Variants in ACVR2A observed in about 807,000 individuals in gnomAD.
ACVR2A encodes activin receptor type-2A.
Under a neutral mutation model 61.4 loss-of-function variants are expected in ACVR2A, and 7 were observed. The ratio of observed to expected loss-of-function variants is 0.11; its 90% confidence interval spans 0.06 to 0.21. ACVR2A has a LOEUF of 0.21. Ranked by LOEUF, ACVR2A falls within the 10% of genes least tolerant of loss-of-function variation. ACVR2A has a pLI of 1.00. For missense variants in ACVR2A, 322 were observed against 621.7 expected (o/e 0.52, Z 5.13); for synonymous variants, 193 against 208.3 (o/e 0.93, Z 0.63).
rs547133367 is a variant in ACVR2A, at chr2:147,894,596, C to T, written c.56-1705C>T. ...ATTTCATTATTCAATATTTAAAAGT[C>T]ACATTTATTGATATCACCACTGATC... is the stretch of plus-strand genomic sequence containing the variant. On this transcript the variant is annotated intron_variant, in intron 1 of 10. Transcript: ENST00000241416. 2.0e-5 allele frequency among the ~76,000 whole-genome samples: 3 copies of T among 152,088 alleles called. No individual in the cohort carries two copies. In the East Asian group the frequency reaches 5.8e-4, roughly 29 times the overall value.
rs543507183 is a variant in ACVR2A, at chr2:147,920,088, G to A, written c.963-142G>A. ...AAGGCTGCATGGGGCTCTGAGCTTT[G>A]TTTGTCTCACTTTCTCTGCATTTCA... On this transcript the variant is annotated intron_variant, in intron 7 of 10. Coordinates refer to ENST00000241416, the MANE Select transcript of ACVR2A (RefSeq NM_001616.5). The A allele has an allele frequency of 2.5e-5, 15 of 607,990 alleles. No individual in the cohort carries two copies. In the East Asian group the frequency reaches 3.7e-4, roughly 15 times the overall value. The allele number at this position is 607,990 out of a possible 1,614,324, so 37.7% of individuals were successfully genotyped here.
intron 4 of ACVR2A, chr2:147,900,471 A>C (rs898601935): frequency 3.3e-5 from 5 of 152,432 alleles, no homozygotes; most frequent in African/African-American, 9.6e-5. Context: ...TGGTTGCCTC[A>C]TATCAAGTGT....
chr2:147,927,484 A>G lies in ACVR2A; in HGVS notation c.*210A>G. 4.4e-6 allele frequency: 2 copies of G among 451,710 alleles called. No individual in the cohort carries two copies. The highest frequency in any genetic ancestry group is 7.7e-6 in the Non-Finnish European group (2 of 261,412). 28.0% of individuals were successfully genotyped at this position (451,710 alleles called of 1,614,324 possible). On this transcript the variant is annotated 3_prime_UTR_variant, in exon 11 of 11. Coordinates refer to ENST00000241416, the MANE Select transcript of ACVR2A (RefSeq NM_001616.5). Reference sequence around the variant, plus strand: ...TGTGAAGGACATGAGACTAAGAGAAACCTTGCAAACTCTATAAAGAAACTT... The same window carrying G: ...TGTGAAGGACATGAGACTAAGAGAAGCCTTGCAAACTCTATAAAGAAACTT...
At chr2:147,898,161 C>T (rs1180487527) in intron 2 of ACVR2A, 1 of 152,082 alleles carries the variant, frequency 6.6e-6, no homozygotes, top group African/African-American at 2.4e-5. Flanking sequence ...ACTATACCAT[C>T]TTTGTGTCTG....
intron 8 of ACVR2A, among the ~76,000 whole-genome samples, chr2:147,921,079 G>T (rs1687368781): frequency 6.6e-6 from 1 of 151,974 alleles, no homozygotes; most frequent in South Asian, 2.1e-4. Context: ...TGTCACCCAG[G>T]CTGGAGTGCA....
Position 147,929,276 on chromosome 2 carries a change from A to AATC in ACVR2A, c.*2004_*2006dup, listed in dbSNP as rs1687593504. On this transcript the variant is annotated 3_prime_UTR_variant, in exon 11 of 11. Coordinates refer to ENST00000241416, the MANE Select transcript of ACVR2A (RefSeq NM_001616.5). ...CTGGTTTTGCTTCCATTTAAAAACT[A>AATC]ATCAAGAAGGGAAAATATTGAGAAT... 1 of 152,014 alleles carries AATC rather than the reference A, an allele frequency of 6.6e-6. No homozygotes were observed. Among genetic ancestry groups the AATC allele is most frequent in the South Asian group, 2.1e-4 (1 of 4,832 alleles). The allele number at this position is 152,014 out of a possible 1,614,324, so 9.4% of individuals were successfully genotyped here. A position where few individuals can be genotyped will look rare whatever the true frequency, so the allele number is the denominator to read the frequency against.
chr2:147,879,197 A>G (rs757480937), intron 1 of ACVR2A, among the ~76,000 whole-genome samples: 1 of 152,048 alleles, frequency 6.6e-6, no homozygotes, highest in Non-Finnish European at 1.5e-5. Context: ...TTGTGTTGCT[A>G]TTACAGAATA....
At chr2:147,873,907 A>G (rs922089595) in intron 1 of ACVR2A, among the ~76,000 whole-genome samples, 4 of 152,102 alleles carry the variant, frequency 2.6e-5, no homozygotes, top group African/African-American at 9.6e-5. Flanking sequence ...CATGAAACAC[A>G]AGAGAAGCCA....
rs2105123684 is a variant in ACVR2A at position 147,845,290 on chromosome 2, G to C, written c.55+83G>C. On this transcript the variant is annotated intron_variant, in intron 1 of 10. Transcript: ENST00000241416. ...TGGGGGCCGCGGCTGGTGTTGAGTCGGAGAGTCCAGTGGAGCCTGGGGAGG... is the reference window on the plus strand; with the variant it reads ...TGGGGGCCGCGGCTGGTGTTGAGTCCGAGAGTCCAGTGGAGCCTGGGGAGG... 3 of 1,376,314 alleles carry C rather than the reference G, an allele frequency of 2.2e-6. No individual in the cohort carries two copies. The South Asian group carries it at 3.6e-5, about 16-fold the overall frequency. The allele number at this position is 1,376,314 out of a possible 1,614,324, so 85.3% of individuals were successfully genotyped here.
chr2:147,908,943 A>C (rs1184172365), intron 4 of ACVR2A, among the ~76,000 whole-genome samples: 2 of 152,044 alleles, frequency 1.3e-5, no homozygotes, highest in Non-Finnish European at 2.9e-5. Flanking sequence ...TATAAACAAA[A>C]ATCTCTATTT....
intron 4 of ACVR2A, 57 bp from the exon 5 acceptor site, chr2:147,915,134 A>G: frequency 4.5e-6 from 7 of 1,540,044 alleles, no homozygotes. Context: ...TCTCATTTTC[A>G]GAGTTGGTGT....
chr2:147,891,851 G>T (rs1474731203), intron 1 of ACVR2A, among the ~76,000 whole-genome samples: 1 of 152,152 alleles, frequency 6.6e-6, no homozygotes, highest in Admixed American at 6.5e-5. Context: ...GTATTATTTG[G>T]TAAAGGAGGA....
Position 147,857,926 on chromosome 2 carries a change from C to A in ACVR2A, c.55+12719C>A, listed in dbSNP as rs1052569708. Among the ~76,000 whole-genome samples, 9 of 152,094 alleles carry A rather than the reference C, an allele frequency of 5.9e-5. 1 individual carries two copies. The highest frequency in any genetic ancestry group is 1.3e-4 in the Admixed American group (2 of 15,252). ...TTTGTTTTATGGATTATTTTATCACCCAGGTATTAAGCCTAGTACTCATTA... is the reference window on the plus strand; with the variant it reads ...TTTGTTTTATGGATTATTTTATCACACAGGTATTAAGCCTAGTACTCATTA... On this transcript the variant is annotated intron_variant, in intron 1 of 10. Coordinates refer to ENST00000241416, the MANE Select transcript of ACVR2A (RefSeq NM_001616.5).
chr2:147,918,403 C>A lies in ACVR2A; in HGVS notation c.817-44C>A, dbSNP rs774769991. The A allele has an allele frequency of 1.9e-6, 3 of 1,564,758 alleles. No individual in the cohort carries two copies. In the East Asian group the frequency reaches 6.8e-5, roughly 36 times the overall value. On this transcript the variant is annotated intron_variant, in intron 6 of 10. Transcript: ENST00000241416. ...AAGAAAAGTCTCCTTATACATATGGCCTTTGTCAAGAACATAAGTTTCTTT... is the reference window on the plus strand; with the variant it reads ...AAGAAAAGTCTCCTTATACATATGGACTTTGTCAAGAACATAAGTTTCTTT...
At chr2:147,873,982 G>A (rs559457779) in intron 1 of ACVR2A, among the ~76,000 whole-genome samples, 1 of 152,030 alleles carries the variant, frequency 6.6e-6, no homozygotes, top group African/African-American at 2.4e-5. Flanking sequence ...CATGGAGGAT[G>A]AATTATGCTA....
chr2:147,886,762 T>C (rs1041005092), intron 1 of ACVR2A, among the ~76,000 whole-genome samples: 1 of 151,502 alleles, frequency 6.6e-6, no homozygotes, highest in Non-Finnish European at 1.5e-5. Context: ...TCTTAGACCC[T>C]AGTGGCATCT....
intron 6 of ACVR2A, 53 bp from the exon 7 acceptor site, chr2:147,918,394 T>C: frequency 2.6e-6 from 4 of 1,513,542 alleles, no homozygotes; most frequent in Non-Finnish European, 2.7e-6. Flanking sequence ...AGTCTCCTTA[T>C]ACATATGGCC....
chr2:147,870,481 T>G (rs17742246), intron 1 of ACVR2A, among the ~76,000 whole-genome samples: 21,310 of 152,186 alleles, frequency 0.14, 1,893 homozygotes, highest in Middle Eastern at 0.23. Flanking sequence ...AGATGTCACA[T>G]TTCGTACAAT....
chr2:147,855,985 A>G (rs1396551582), intron 1 of ACVR2A, among the ~76,000 whole-genome samples: 2 of 152,198 alleles, frequency 1.3e-5, no homozygotes, highest in African/African-American at 4.8e-5. Flanking sequence ...AAGATTCAGA[A>G]GTAGAAACTC....
Sources: allele counts gnomAD v4.1 joint callset (sites outside exome capture counted in the v4.1 genomes callset), GRCh38; gene constraint gnomAD v4.1.1; transcripts MANE v1.5; gene names NCBI Gene and HGNC (gene_info 2026-07-23, HGNC 2026-07-21).